The following FBXL16 variants were observed in gnomAD, a reference collection of about 807,000 sequenced individuals.
The protein encoded by FBXL16 is F-box and leucine rich repeat protein 16, also known as F-box/LRR-repeat protein 16.
Under a neutral mutation model 36.7 loss-of-function variants are expected in FBXL16, and 7 were observed. That is an observed-to-expected ratio of 0.19 (90% confidence interval 0.11 to 0.36). FBXL16 has a LOEUF of 0.36. Among genes scored for constraint, FBXL16 ranks in the 10% least tolerant of loss-of-function variants. The pLI, the probability that FBXL16 is intolerant of heterozygous loss-of-function variation, is 1.00. For missense variants in FBXL16, 463 were observed against 659.4 expected, an observed-to-expected ratio of 0.70 and a Z score of 3.26; for synonymous variants, 355 against 308.7, an observed-to-expected ratio of 1.15 and a Z score of -1.57.
At chr16:695,159 T>C (rs2040000694) in intron 3 of FBXL16, 83 bp from the exon 4 acceptor site, 1 of 1,417,026 alleles carries the variant, frequency 7.1e-7, no homozygotes, top group Non-Finnish European at 9.7e-7. Flanking sequence ...GCCCCTGGCG[T>C]GAATCCCTTC....
intron 1 of FBXL16, among the ~76,000 whole-genome samples, chr16:704,343 GC>G (rs1486586220): frequency 6.6e-6 from 1 of 152,210 alleles, no homozygotes; most frequent in Non-Finnish European, 1.5e-5. Flanking sequence ...CGATGGAGGG[GC>G]TGAACTCAAG....
Position 694,407 on chromosome 16 carries a change from G to A in FBXL16, c.1308C>T (p.Thr436=), listed in dbSNP as rs1435001151. ...GCACCAGGCCCGACAGCCCGGTGGT[G>A]GTGAGCAGCGGGCAGCCTGCGGCGG... is the stretch of plus-strand genomic sequence containing the variant. ...LLSLAGCPLL[T]TTGLSGLVQL... Residue 436 remains threonine, a synonymous_variant, in exon 6 of 6, where the codon ACC becomes ACT. Coordinates refer to ENST00000397621, the MANE Select transcript of FBXL16 (RefSeq NM_153350.4). 6.5e-7 allele frequency: 1 copy of A among 1,550,342 alleles called. No individual in the cohort carries two copies. Among genetic ancestry groups the A allele is most frequent in the Non-Finnish European group, 8.6e-7 (1 of 1,156,916 alleles).
Position 694,370 on chromosome 16 carries a change from G to A in FBXL16, c.1345C>T (p.Leu449=). 1.9e-6 allele frequency: 3 copies of A among 1,539,642 alleles called. No homozygotes were observed. In the South Asian group the frequency reaches 3.7e-5, roughly 19 times the overall value. ...CAGTTGGTCAGCTCCAGCTCCTCCAGCTCCTGCAGCTGCACCAGGCCCGAC... is the reference window on the plus strand; with the variant it reads ...CAGTTGGTCAGCTCCAGCTCCTCCAACTCCTGCAGCTGCACCAGGCCCGAC... ...GLSGLVQLQE[L]EELELTNCPG... Residue 449 remains leucine (L), a synonymous_variant, in exon 6 of 6, where the codon CTG becomes TTG. Transcript: ENST00000397621.
In FBXL16 at chr16:694,257, C is replaced by T. The variant is rs748918224; in HGVS notation, c.*18G>A. 3.0e-6 allele frequency: 4 copies of T among 1,335,776 alleles called. No homozygotes were observed. In the African/African-American group the frequency reaches 6.1e-5, roughly 20 times the overall value. The allele number at this position is 1,335,776 out of a possible 1,614,324, so 82.7% of individuals were successfully genotyped here. ...CAGGTCATGGCCGGGTTCCCGCGAC[C>T]GGGGCGGGGGCCTCGCGCTACTCAA... is the stretch of plus-strand genomic sequence containing the variant. On this transcript the variant is annotated 3_prime_UTR_variant, in exon 6 of 6. Coordinates refer to ENST00000397621, the MANE Select transcript of FBXL16 (RefSeq NM_153350.4).
At chr16:696,198 C>A in intron 2 of FBXL16, among the ~76,000 whole-genome samples, 1 of 151,910 alleles carries the variant, frequency 6.6e-6, no homozygotes. Context: ...CCTCAGCTCC[C>A]CCTCGCATCC....
intron 5 of FBXL16, 25 bp downstream of exon 5, chr16:694,609 G>A (rs1005443398): frequency 3.1e-6 from 5 of 1,601,602 alleles, no homozygotes; most frequent in East Asian, 4.5e-5. Context: ...CACTGCCAGC[G>A]TCAGAGCAGA....
rs1390886520 is a variant in FBXL16 at position 697,359 on chromosome 16, G to A, written c.47C>T (p.Pro16Leu). ...CGGCAGCTTCACCAGACCGTTTCGAGGCAAGCATGGAGGCTTGGGGTCGCC... is the reference window on the plus strand; with the variant it reads ...CGGCAGCTTCACCAGACCGTTTCGAAGCAAGCATGGAGGCTTGGGGTCGCC... Reference protein sequence around the residue: ...IDGDPKPPCLPRNGLVKLPGQ... With the variant: ...IDGDPKPPCLLRNGLVKLPGQ... Residue 16 changes from proline to leucine, a missense_variant, in exon 2 of 6, where the codon CCT becomes CTT. Around this residue, in one of 3 missense-constraint regions of FBXL16, gnomAD observed 263 missense variants for 341.1 expected, o/e 0.77. Transcript: ENST00000397621. The surrounding 1 kb of genome is among the most constrained non-coding windows in gnomAD (Gnocchi z 4.6). The A allele has an allele frequency of 2.0e-6, 3 of 1,537,036 alleles. No individual in the cohort carries two copies. The highest frequency in any genetic ancestry group is 2.4e-5 in the East Asian group (1 of 41,024).
chr16:701,320 G>A (rs2040054904), intron 1 of FBXL16, among the ~76,000 whole-genome samples: 1 of 152,200 alleles, frequency 6.6e-6, no homozygotes, highest in South Asian at 2.1e-4. Flanking sequence ...CTCGACCCGT[G>A]TGCTTGGTGG....
intron 1 of FBXL16, among the ~76,000 whole-genome samples, chr16:705,007 A>G (rs2040081415): frequency 6.6e-6 from 1 of 152,180 alleles, no homozygotes; most frequent in African/African-American, 2.4e-5. Context: ...AGAACCAGGA[A>G]GGTGCCAGCC....
rs995865048 is a variant in FBXL16 at position 702,007 on chromosome 16, C to T, written c.-15+3505G>A. 9.2e-5 allele frequency among the ~76,000 whole-genome samples: 14 copies of T among 152,246 alleles called. No individual in the cohort carries two copies. In the East Asian group the frequency reaches 2.3e-3, roughly 25 times the overall value. ...TGGCCTCTGTGTCCTCCCCAGGGGA[C>T]GCAGTGTGAAGCGTGTGGCCAGAGT... On this transcript the variant is annotated intron_variant, in intron 1 of 5. Transcript: ENST00000397621.
chr16:705,620 C>T lies in FBXL16; in HGVS notation c.-123G>A, dbSNP rs1180236720. On this transcript the variant is annotated 5_prime_UTR_variant, in exon 1 of 6. Coordinates refer to ENST00000397621, the MANE Select transcript of FBXL16 (RefSeq NM_153350.4). ...GGGGGCCGCCGGGGTGCTGGACTGG[C>T]CGGCAGGGCCCGGCCGCGCCCTGCG... 1 of 149,130 alleles carries T rather than the reference C, an allele frequency of 6.7e-6. No homozygotes were observed. The highest frequency in any genetic ancestry group is 1.5e-5 in the Non-Finnish European group (1 of 66,834). The allele number at this position is 149,130 out of a possible 1,614,324, so 9.2% of individuals were successfully genotyped here.
chr16:695,333 G>GGCCCCGTGCAGCCCCGCCCCGCCCC (rs556433732), intron 3 of FBXL16, 82 bp downstream of exon 3: 7 of 990,532 alleles, frequency 7.1e-6, no homozygotes, highest in Non-Finnish European at 6.2e-6. Context: ...CCCCGCCCCC[G>GGCCCCGTGCAGCCCCGCCCCGCCCC]GCCCCGTGCA....
Position 693,616 on chromosome 16 carries a change from A to C in FBXL16, c.*659T>G, listed in dbSNP as rs1166902462. 2 of 152,564 alleles carry C rather than the reference A, an allele frequency of 1.3e-5. No homozygotes were observed. Among genetic ancestry groups the C allele is most frequent in the Non-Finnish European group, 2.9e-5 (2 of 68,136 alleles). The allele number at this position is 152,564 out of a possible 1,614,324, so 9.5% of individuals were successfully genotyped here. A position where few individuals can be genotyped will look rare whatever the true frequency, so the allele number is the denominator to read the frequency against. On this transcript the variant is annotated 3_prime_UTR_variant, in exon 6 of 6. Transcript: ENST00000397621. Reference sequence around the variant, plus strand: ...GGGACTGCCCCACACAGCGGCAAGGAGGAGGAGAGGCCGCGTGGGTCAGGC... The same window carrying C: ...GGGACTGCCCCACACAGCGGCAAGGCGGAGGAGAGGCCGCGTGGGTCAGGC...
Position 697,206 on chromosome 16 carries a change from G to A in FBXL16, c.200C>T (p.Ala67Val), listed in dbSNP as rs1024985452. 17 of 1,531,220 alleles carry A rather than the reference G, an allele frequency of 1.1e-5. No individual in the cohort carries two copies. Among genetic ancestry groups the A allele is most frequent in the African/African-American group, 2.8e-5 (2 of 72,520 alleles). The allele number at this position is 1,531,220 out of a possible 1,614,324, so 94.9% of individuals were successfully genotyped here. A position where few individuals can be genotyped will look rare whatever the true frequency, so the allele number is the denominator to read the frequency against. Residue 67 changes from alanine to valine, a missense_variant, in exon 2 of 6, where the codon GCT (alanine) becomes GTT (valine). By Grantham distance (64) the Ala-to-Val change is moderately conservative. Transcript: ENST00000397621. The surrounding 1 kb of genome is among the most constrained non-coding windows in gnomAD (Gnocchi z 4.6). ...PPSLAAPLSR[A>V]ALAGGPCTPA... is the part of the protein sequence containing the mutation. ...GGTGCACGGGCCCCCAGCCAGGGCA[G>A]CCCGGGACAGTGGAGCAGCCAGGCT... is the stretch of plus-strand genomic sequence containing the variant.
intron 1 of FBXL16, among the ~76,000 whole-genome samples, chr16:698,777 G>A (rs2040033630): frequency 6.6e-6 from 1 of 151,952 alleles, no homozygotes; most frequent in South Asian, 2.1e-4. Flanking sequence ...AGCCGGGCTT[G>A]GTGGCAGGCT....
At chr16:704,091 TG>T (rs2040074487) in intron 1 of FBXL16, among the ~76,000 whole-genome samples, 1 of 152,200 alleles carries the variant, frequency 6.6e-6, no homozygotes, top group African/African-American at 2.4e-5. Context: ...AATCCAGTCA[TG>T]GGAGGCACAG....
At position 697,436 on chromosome 16, in the gene FBXL16, G is replaced by A; in HGVS notation, c.-14-17C>T. The A allele has an allele frequency of 1.3e-6, 2 of 1,516,150 alleles. No homozygotes were observed. The highest frequency in any genetic ancestry group is 1.2e-5 in the South Asian group (1 of 81,318). 93.9% of individuals were successfully genotyped at this position (1,516,150 alleles called of 1,614,324 possible). On this transcript the variant is annotated splice_polypyrimidine_tract_variant and intron_variant, in intron 1 of 5. Coordinates refer to ENST00000397621, the MANE Select transcript of FBXL16 (RefSeq NM_153350.4). The surrounding 1 kb of genome is among the most constrained non-coding windows in gnomAD (Gnocchi z 4.6). The stretch of plus-strand genomic sequence containing the variant: ...TGGCACGCTCTGTGGATGAGGGCCG[G>A]GAGGGGGAGTGAGTCTGTTGCTGAG...
At chr16:695,218 G>A in intron 3 of FBXL16, 142 bp from the exon 4 acceptor site, 2 of 1,162,928 alleles carry the variant, frequency 1.7e-6, no homozygotes, top group South Asian at 3.1e-5. Flanking sequence ...CCACCCACCG[G>A]GAAGGACGGG....
intron 2 of FBXL16, 98 bp from the exon 3 acceptor site, chr16:696,021 G>A (rs187006034): frequency 2.1e-6 from 3 of 1,442,888 alleles, no homozygotes; most frequent in African/African-American, 1.4e-5. Flanking sequence ...GCTGAACCCT[G>A]AAAACATTTG....
Sources: allele counts gnomAD v4.1 joint callset (sites outside exome capture counted in the v4.1 genomes callset), GRCh38; gene constraint gnomAD v4.1.1; regional missense constraint gnomAD v4.1.1; non-coding constraint Gnocchi (gnomAD v3.1); transcripts MANE v1.5; gene names NCBI Gene and HGNC (gene_info 2026-07-23, HGNC 2026-07-21).